SLC1A3: variants seen among roughly 807,000 people sequenced by gnomAD.
The protein encoded by SLC1A3 is solute carrier family 1 member 3.
A neutral mutation model predicts 48.1 loss-of-function variants in SLC1A3; 21 were observed. The ratio of observed to expected loss-of-function variants is 0.44; its 90% confidence interval spans 0.31 to 0.63. SLC1A3 has a LOEUF of 0.63. Ranked by LOEUF, SLC1A3 falls within the 20% of genes least tolerant of loss-of-function variation. The probability of loss-of-function intolerance (pLI) is 0.08; values close to 1 mark genes in which losing one functional copy is unlikely to be tolerated. For synonymous variants in SLC1A3, 239 were observed against 251.4 expected (o/e 0.95, Z 0.47); for missense variants, 546 against 689.0 (o/e 0.79, Z 2.32).
chr5:36,671,508 T>A (rs1266746542), intron 4 of SLC1A3, among the ~76,000 whole-genome samples: 2 of 152,244 alleles, frequency 1.3e-5, no homozygotes, highest in Non-Finnish European at 2.9e-5. Context: ...CTCTCAACTA[T>A]GCAGCTCACC....
At chr5:36,607,589 T>C (rs1246067782) in intron 1 of SLC1A3, among the ~76,000 whole-genome samples, 1 of 152,232 alleles carries the variant, frequency 6.6e-6, no homozygotes, top group Non-Finnish European at 1.5e-5. Flanking sequence ...GATTCCAGCA[T>C]GTGTGTCACA....
At chr5:36,604,910 G>T (rs936064662), upstream of SLC1A3, among the ~76,000 whole-genome samples, 8 of 67,728 alleles carry the variant, frequency 1.2e-4, no homozygotes, top group Non-Finnish European at 1.9e-4. Context: ...AAGCGGTGGG[G>T]GGGGGGGGTG....
chr5:36,676,829 A>T lies in SLC1A3; in HGVS notation c.568-63A>T, dbSNP rs149437760. 2,008 of 1,288,404 alleles carry T rather than the reference A, an allele frequency of 1.6e-3. 2 individuals carry two copies. The highest frequency in any genetic ancestry group is 1.9e-3 in the Non-Finnish European group (1,807 of 928,928). 79.8% of individuals were successfully genotyped at this position (1,288,404 alleles called of 1,614,324 possible). ...TAATCATTTTAGAAAATTTGACAAT[A>T]GGAAAATATAAAGAAAAAAATAAAA... is the stretch of plus-strand genomic sequence containing the variant. On this transcript the variant is annotated intron_variant, in intron 5 of 9. Transcript: ENST00000265113.
intron 1 of SLC1A3, among the ~76,000 whole-genome samples, chr5:36,600,751 T>A (rs1738798910): frequency 6.6e-6 from 1 of 152,200 alleles, no homozygotes; most frequent in Non-Finnish European, 1.5e-5. Flanking sequence ...TTAGAATCAA[T>A]CCATAGGCAC....
chr5:36,681,342 A>C (rs542262239), intron 8 of SLC1A3, among the ~76,000 whole-genome samples: 1 of 152,214 alleles, frequency 6.6e-6, no homozygotes, highest in Non-Finnish European at 1.5e-5. Context: ...CATAGTATGG[A>C]TATTTCTCCT....
intron 2 of SLC1A3, among the ~76,000 whole-genome samples, chr5:36,619,881 CAA>C (rs1453605920): frequency 2.0e-5 from 3 of 152,162 alleles, no homozygotes; most frequent in Non-Finnish European, 4.4e-5. Context: ...TTAACAGAAA[CAA>C]GATGAATTAG....
chr5:36,640,773 C>G (rs1459532366), intron 3 of SLC1A3, among the ~76,000 whole-genome samples: 6 of 152,056 alleles, frequency 3.9e-5, no homozygotes, highest in Admixed American at 3.9e-4. Context: ...AAGAGGGGAA[C>G]CCCTATATAT....
Position 36,608,796 on chromosome 5 carries a change from T to A in SLC1A3, c.181+192T>A, listed in dbSNP as rs544926743. On this transcript the variant is annotated intron_variant, in intron 2 of 9. Transcript: ENST00000265113. ...TTTGGAGCAATATATAGTAAACACATCATTAGGCATCATTAGGCATTATGC... is the reference window on the plus strand; with the variant it reads ...TTTGGAGCAATATATAGTAAACACAACATTAGGCATCATTAGGCATTATGC... 68 of 1,369,248 alleles carry A rather than the reference T, an allele frequency of 5.0e-5. No homozygotes were observed. In the African/African-American group the frequency reaches 8.6e-4, roughly 17 times the overall value. 84.8% of individuals were successfully genotyped at this position (1,369,248 alleles called of 1,614,324 possible). A position where few individuals can be genotyped will look rare whatever the true frequency, so the allele number is the denominator to read the frequency against.
At chr5:36,639,440 G>A (rs1387526341) in intron 3 of SLC1A3, among the ~76,000 whole-genome samples, 2 of 152,104 alleles carry the variant, frequency 1.3e-5, no homozygotes, top group Non-Finnish European at 2.9e-5. Context: ...TGCTTTATTT[G>A]GATAGTATTC....
intron 3 of SLC1A3, among the ~76,000 whole-genome samples, chr5:36,654,859 G>A (rs1741226277): frequency 6.6e-6 from 1 of 152,234 alleles, no homozygotes; most frequent in Non-Finnish European, 1.5e-5. Flanking sequence ...TGCAGAGTGA[G>A]GAGATGTTTG....
At chr5:36,659,950 A>G (rs1304267117) in intron 3 of SLC1A3, among the ~76,000 whole-genome samples, 3 of 152,256 alleles carry the variant, frequency 2.0e-5, no homozygotes, top group African/African-American at 7.2e-5. Context: ...GTGATGAGCC[A>G]TAGTCCTTTG....
At chr5:36,656,834 C>T (rs1273582409) in intron 3 of SLC1A3, among the ~76,000 whole-genome samples, 2 of 152,164 alleles carry the variant, frequency 1.3e-5, no homozygotes, top group African/African-American at 2.4e-5. Context: ...TGTAAACCAT[C>T]GTGTATTACT....
chr5:36,683,616 G>A (rs572425091), intron 8 of SLC1A3, among the ~76,000 whole-genome samples: 29 of 151,810 alleles, frequency 1.9e-4, no homozygotes, highest in African/African-American at 5.8e-4. Context: ...ACTGAGGCAC[G>A]AGAATCACTT....
intron 2 of SLC1A3, among the ~76,000 whole-genome samples, chr5:36,627,532 A>G (rs1421970875): frequency 6.6e-6 from 1 of 152,160 alleles, no homozygotes; most frequent in African/African-American, 2.4e-5. Context: ...TAGCCTTCAT[A>G]TATTCATCAT....
At chr5:36,603,430 A>G (rs1738831033), upstream of SLC1A3, among the ~76,000 whole-genome samples, 1 of 152,264 alleles carries the variant, frequency 6.6e-6, no homozygotes, top group African/African-American at 2.4e-5. Flanking sequence ...AGAAACTGGT[A>G]TTTGGAACAC....
chr5:36,608,529 A>C lies in SLC1A3; in HGVS notation c.106A>C (p.Ile36Leu). Residue 36 changes from isoleucine (I) to leucine (L), a missense_variant, in exon 2 of 10, where the codon ATT becomes CTT. By Grantham distance (5) the Ile-to-Leu change is conservative. Coordinates refer to ENST00000265113, the MANE Select transcript of SLC1A3 (RefSeq NM_004172.5). ...TTTGGCCAAGAAGAAAGTGCAGAAC[A>C]TTACAAAGGAGGATGTTAAAAGTTA... The part of the protein sequence containing the change: ...TLLAKKKVQN[I>L]TKEDVKSYLF... 1 of 1,614,110 alleles carries C rather than the reference A, an allele frequency of 6.2e-7. No individual in the cohort carries two copies. The highest frequency in any genetic ancestry group is 8.5e-7 in the Non-Finnish European group (1 of 1,179,934).
Position 36,683,973 on chromosome 5 carries a change from C to T in SLC1A3, c.1399C>T (p.Leu467Phe). The change falls in exon 9 of 10, where the codon CTC (leucine) becomes TTC (phenylalanine). Residue 467 changes from leucine (L) to phenylalanine (F), a missense_variant. This residue lies in a region of SLC1A3 where 142 missense variants were observed against 238.0 expected (regional missense o/e 0.60). Coordinates refer to ENST00000265113, the MANE Select transcript of SLC1A3 (RefSeq NM_004172.5). Reference sequence around the variant, plus strand: ...CGGCCTGCCCACTGACGACATCACGCTCATCATCGCGGTGGACTGGTTCCT... The same window carrying T: ...CGGCCTGCCCACTGACGACATCACGTTCATCATCGCGGTGGACTGGTTCCT... ...SVGLPTDDIT[L>F]IIAVDWFLDR... The T allele has an allele frequency of 6.2e-7, 1 of 1,614,218 alleles. No homozygotes were observed. The highest frequency in any genetic ancestry group is 8.5e-7 in the Non-Finnish European group (1 of 1,180,038).
intron 2 of SLC1A3, chr5:36,612,854 C>T: frequency 2.2e-6 from 1 of 455,932 alleles, no homozygotes; most frequent in Non-Finnish European, 4.4e-6. Flanking sequence ...GTTCTGGGTG[C>T]TATAACACCC....
chr5:36,660,286 A>G (rs564923972), intron 3 of SLC1A3, among the ~76,000 whole-genome samples: 3 of 152,284 alleles, frequency 2.0e-5, no homozygotes, highest in South Asian at 4.2e-4. Context: ...AGACCCCTGA[A>G]ATCTATTCAG....
Sources: gnomAD v4.1 joint callset for allele counts (sites outside exome capture counted in the v4.1 genomes callset) on GRCh38, gnomAD v4.1.1 for gene constraint, gnomAD v4.1.1 regional missense constraint, MANE v1.5 for transcripts, NCBI Gene and HGNC (gene_info 2026-07-23, HGNC 2026-07-21) for gene names.